Variants in PCDHA7 observed in about 807,000 individuals in gnomAD.
PCDHA7 encodes protocadherin alpha-7.
Under a neutral mutation model 57.2 loss-of-function variants are expected in PCDHA7, and 37 were observed. The ratio of observed to expected loss-of-function variants is 0.65; its 90% CI spans 0.50 to 0.85. The LOEUF (loss-of-function observed/expected upper bound fraction) is 0.85, where lower values mean the gene tolerates loss of function less well. Ranked by LOEUF, PCDHA7 falls within the 40% of genes least tolerant of loss-of-function variation. The pLI, the probability that PCDHA7 is intolerant of heterozygous loss-of-function variation, is 0.00. For synonymous variants in PCDHA7, 553 were observed against 558.8 expected, an observed-to-expected ratio of 0.99 and a Z score of 0.15; for missense variants, 1,188 against 1,241.8, an observed-to-expected ratio of 0.96 and a Z score of 0.65.
In PCDHA7 at chr5:141,010,015, C is replaced by G; in HGVS notation, c.*78C>G. On this transcript the variant is annotated 3_prime_UTR_variant, in exon 4 of 4. Transcript: ENST00000525929. ...CTCTCCCATGTAGCAATTCCCTGCT[C>G]CTTTTTCCTATCTACATGAGCCCTC... is the stretch of plus-strand genomic sequence containing the variant. 6.4e-7 allele frequency: 1 copy of G among 1,572,182 alleles called. No homozygotes were observed. Among genetic ancestry groups the G allele is most frequent in the Non-Finnish European group, 8.6e-7 (1 of 1,163,250 alleles).
At chr5:140,869,659 G>A (rs782595471) in intron 1 of PCDHA7, 4 of 1,613,446 alleles carry the variant, frequency 2.5e-6, no homozygotes, top group Non-Finnish European at 3.4e-6. Context: ...ACCAACAAAT[G>A]GTAAGCAGAT....
chr5:140,935,044 G>C (rs1246943645), intron 1 of PCDHA7, among the ~76,000 whole-genome samples: 1 of 151,942 alleles, frequency 6.6e-6, no homozygotes, highest in African/African-American at 2.4e-5. Context: ...CTTGATTTCT[G>C]GTATTACAAG....
chr5:140,913,107 CA>C (rs2076210472), intron 1 of PCDHA7, among the ~76,000 whole-genome samples: 1 of 152,078 alleles, frequency 6.6e-6, no homozygotes, highest in South Asian at 2.1e-4. Context: ...CTCATAGAAT[CA>C]GTTTGGAAGT....
chr5:140,929,233 C>T (rs782744711), intron 1 of PCDHA7: 5 of 1,613,786 alleles, frequency 3.1e-6, no homozygotes, highest in Non-Finnish European at 8.5e-7. Flanking sequence ...TGCCGACCTG[C>T]GAAATCTTGC....
intron 1 of PCDHA7, among the ~76,000 whole-genome samples, chr5:140,945,356 G>A (rs1294877669): frequency 1.1e-4 from 16 of 151,976 alleles, no homozygotes; most frequent in Non-Finnish European, 1.9e-4. Flanking sequence ...AATTAATACT[G>A]TTTAAAATGT....
rs1554135720 is a variant in PCDHA7 at position 140,836,195 on chromosome 5, C to T, written c.1812C>T (p.Asn604=). 6 of 1,613,858 alleles carry T rather than the reference C, an allele frequency of 3.7e-6. No individual in the cohort carries two copies. The highest frequency in any genetic ancestry group is 1.3e-5 in the African/African-American group (1 of 74,992). ...VRAVDADSGY[N]AWLSYELQPV... ...CAGTTGACGCTGACTCAGGCTACAA[C>T]GCGTGGCTTTCGTATGAGTTGCAAC... Residue 604 remains asparagine, a synonymous_variant, in exon 1 of 4, where the codon AAC becomes AAT. Coordinates refer to ENST00000525929, the MANE Select transcript of PCDHA7 (RefSeq NM_018910.3).
chr5:140,888,558 C>T (rs782768307), intron 1 of PCDHA7, among the ~76,000 whole-genome samples: 6 of 152,188 alleles, frequency 3.9e-5, no homozygotes, highest in Non-Finnish European at 7.3e-5. Flanking sequence ...TTATTCCTTT[C>T]AAGGCTTCAT....
At chr5:140,876,098 A>G in intron 1 of PCDHA7, 2 of 1,613,962 alleles carry the variant, frequency 1.2e-6, no homozygotes, top group Non-Finnish European at 1.7e-6. Flanking sequence ...CCAAAACTCA[A>G]TTTATTGCTG....
rs145253621 is a variant in PCDHA7, at chr5:140,991,776, T to A, written c.2503+9213T>A. 4.1e-3 allele frequency among the ~76,000 whole-genome samples: 632 copies of A among 152,312 alleles called. 6 individuals carry two copies. Among genetic ancestry groups the A allele is most frequent in the South Asian group, 0.036 (174 of 4,822 alleles). ...CATGCTCTTCAAAATTCTTCTAGACTCTGCCCATTTCCCAATCTCAAGGCC... is the reference window on the plus strand; with the variant it reads ...CATGCTCTTCAAAATTCTTCTAGACACTGCCCATTTCCCAATCTCAAGGCC... On this transcript the variant is annotated intron_variant, in intron 3 of 3. Coordinates refer to ENST00000525929, the MANE Select transcript of PCDHA7 (RefSeq NM_018910.3).
intron 1 of PCDHA7, chr5:140,969,008 G>A (rs782541476): frequency 6.2e-7 from 1 of 1,614,194 alleles, no homozygotes; most frequent in Non-Finnish European, 8.5e-7. Context: ...CTTCTGTGGA[G>A]TAAGGGAAAG....
chr5:140,856,181 G>T lies in PCDHA7; in HGVS notation c.2355+19443G>T, dbSNP rs781803033. 1.1e-5 allele frequency: 18 copies of T among 1,598,112 alleles called. 2 individuals are homozygous for T. Among genetic ancestry groups the T allele is most frequent in the Middle Eastern group, 3.4e-4 (2 of 5,944 alleles). On this transcript the variant is annotated intron_variant, in intron 1 of 3. Coordinates refer to ENST00000525929, the MANE Select transcript of PCDHA7 (RefSeq NM_018910.3). Reference sequence around the variant, plus strand: ...GGAGGCCAGACACGGCACCTTCGTGGGCCGCATCGCGCAGGACCTGGGGCT... The same window carrying T: ...GGAGGCCAGACACGGCACCTTCGTGTGCCGCATCGCGCAGGACCTGGGGCT...
intron 1 of PCDHA7, among the ~76,000 whole-genome samples, chr5:140,918,298 A>G (rs2078622610): frequency 6.6e-6 from 1 of 152,150 alleles, no homozygotes; most frequent in Non-Finnish European, 1.5e-5. Context: ...GGCAGAGAAT[A>G]TAGGGTTTTC....
At chr5:140,966,993 G>A in intron 1 of PCDHA7, 4 of 1,604,524 alleles carry the variant, frequency 2.5e-6, no homozygotes, top group Non-Finnish European at 3.4e-6. Context: ...GGGCCGGGTT[G>A]CTTGCGCATC....
chr5:140,850,804 T>G (rs2150498986), intron 1 of PCDHA7: 1 of 1,598,410 alleles, frequency 6.3e-7, no homozygotes, highest in Admixed American at 1.7e-5. Flanking sequence ...ACCGACCTCA[T>G]GGCCTTCAGC....
intron 1 of PCDHA7, among the ~76,000 whole-genome samples, chr5:140,941,214 C>CTTT (rs1554214039): frequency 0.031 from 3,845 of 122,336 alleles, 93 homozygotes; most frequent in South Asian, 0.048. Flanking sequence ...TTTCTTTCTT[C>CTTT]CTTTCTTTCT....
intron 1 of PCDHA7, chr5:140,926,849 C>A: frequency 6.6e-7 from 1 of 1,517,430 alleles, no homozygotes. Flanking sequence ...CCTGGGTCAC[C>A]GTTGGTGTAG....
intron 1 of PCDHA7, among the ~76,000 whole-genome samples, chr5:140,920,858 A>G (rs1182817298): frequency 6.6e-6 from 1 of 151,604 alleles, no homozygotes; most frequent in Non-Finnish European, 1.5e-5. Flanking sequence ...AAAAAAAAAA[A>G]CAAACAAACT....
chr5:140,876,931 A>G lies in PCDHA7; in HGVS notation c.2355+40193A>G, dbSNP rs377563074. The stretch of plus-strand genomic sequence containing the variant: ...GGCATGGGACGCGGACGCGCAGAAG[A>G]ACGCGCTGGTGTCCTACTCGCTGGT... On this transcript the variant is annotated intron_variant, in intron 1 of 3. Coordinates refer to ENST00000525929, the MANE Select transcript of PCDHA7 (RefSeq NM_018910.3). 8 of 1,613,668 alleles carry G rather than the reference A, an allele frequency of 5.0e-6. No individual in the cohort carries two copies. In the African/African-American group the frequency reaches 1.1e-4, roughly 22 times the overall value.
chr5:140,898,843 C>G (rs1449030828), intron 1 of PCDHA7, among the ~76,000 whole-genome samples: 17 of 152,100 alleles, frequency 1.1e-4, no homozygotes, highest in Non-Finnish European at 1.3e-4. Context: ...TCTTCCATTT[C>G]TTTGTATCCT....
Sources: allele counts gnomAD v4.1 joint callset (sites outside exome capture counted in the v4.1 genomes callset), GRCh38; gene constraint gnomAD v4.1.1; transcripts MANE v1.5; gene names NCBI Gene and HGNC (gene_info 2026-07-23, HGNC 2026-07-21).